Variants in ATP8B1 observed in about 807,000 individuals in gnomAD.
The protein encoded by ATP8B1 is ATPase phospholipid transporting 8B1.
Under a neutral mutation model 149.9 loss-of-function variants are expected in ATP8B1, and 80 were observed. The observed-to-expected ratio is 0.53, with a 90% CI of 0.45 to 0.64. The LOEUF is 0.64. Ranked by LOEUF, ATP8B1 falls within the 30% of genes least tolerant of loss-of-function variation. ATP8B1 has a pLI of 0.00. For missense variants in ATP8B1, 1,247 were observed against 1,552.6 expected (o/e 0.80, Z 3.31); for synonymous variants, 536 against 562.8 (o/e 0.95, Z 0.67).
intron 12 of ATP8B1, 115 bp from the exon 13 acceptor site, chr18:57,688,622 G>A: frequency 9.7e-7 from 1 of 1,028,358 alleles, no homozygotes; most frequent in Non-Finnish European, 1.5e-6. Context: ...GCTATGGTCT[G>A]AATGTTAGAA....
At chr18:57,726,887 C>T (rs1377582821) in intron 2 of ATP8B1, among the ~76,000 whole-genome samples, 1 of 152,142 alleles carries the variant, frequency 6.6e-6, no homozygotes, top group Non-Finnish European at 1.5e-5. Context: ...CAAGACAAGC[C>T]TGGCCAACAT....
intron 21 of ATP8B1, among the ~76,000 whole-genome samples, chr18:57,661,884 A>AT (rs1313289181): frequency 3.4e-4 from 52 of 150,854 alleles, no homozygotes; most frequent in South Asian, 1.5e-3. Context: ...CTGGCTAATT[A>AT]TTTTTTTTGT....
intron 6 of ATP8B1, among the ~76,000 whole-genome samples, chr18:57,699,460 G>T (rs1449853189): frequency 6.6e-6 from 1 of 152,098 alleles, no homozygotes; most frequent in Non-Finnish European, 1.5e-5. Context: ...GTCTCGGCCG[G>T]GCCCGGTGGC....
intron 1 of ATP8B1, among the ~76,000 whole-genome samples, chr18:57,791,408 T>A (rs931704515): frequency 6.8e-6 from 1 of 147,118 alleles, no homozygotes; most frequent in African/African-American, 2.6e-5. Flanking sequence ...TGGAGTGCAG[T>A]GGTACAATTT....
At chr18:57,702,141 G>A (rs556927560) in intron 4 of ATP8B1, among the ~76,000 whole-genome samples, 2 of 152,318 alleles carry the variant, frequency 1.3e-5, no homozygotes, top group South Asian at 2.1e-4. Context: ...ATTAGGGAGA[G>A]CATCTCTGAG....
intron 6 of ATP8B1, among the ~76,000 whole-genome samples, chr18:57,699,285 A>G (rs372998139): frequency 6.6e-6 from 1 of 152,240 alleles, no homozygotes; most frequent in Admixed American, 6.5e-5. Flanking sequence ...TAAGAAAATT[A>G]TGTTCCAAAG....
At chr18:57,687,015 T>A (rs933134642) in intron 13 of ATP8B1, among the ~76,000 whole-genome samples, 1 of 152,072 alleles carries the variant, frequency 6.6e-6, no homozygotes, top group Non-Finnish European at 1.5e-5. Flanking sequence ...TGCTAATTTT[T>A]AAAAATTTTT....
At chr18:57,665,902 C>T (rs143849253) in intron 20 of ATP8B1, among the ~76,000 whole-genome samples, 1 of 151,922 alleles carries the variant, frequency 6.6e-6, no homozygotes, top group Non-Finnish European at 1.5e-5. Context: ...GCTTATGTAC[C>T]TCTATTTGGG....
chr18:57,662,926 G>A (rs544189180), intron 20 of ATP8B1, among the ~76,000 whole-genome samples: 1 of 152,066 alleles, frequency 6.6e-6, no homozygotes, highest in South Asian at 2.1e-4. Context: ...GCTAATTTTT[G>A]TATTTTTTGT....
At chr18:57,780,941 T>C (rs1299708558) in intron 1 of ATP8B1, among the ~76,000 whole-genome samples, 1 of 152,166 alleles carries the variant, frequency 6.6e-6, no homozygotes, top group Non-Finnish European at 1.5e-5. Context: ...GAAGACAATT[T>C]CCTTGTCTCA....
Position 57,695,436 on chromosome 18 carries a change from T to C in ATP8B1, c.781+14A>G. 1.2e-6 allele frequency: 2 copies of C among 1,607,808 alleles called. No individual in the cohort carries two copies. The highest frequency in any genetic ancestry group is 1.7e-6 in the Non-Finnish European group (2 of 1,174,290). Reference sequence around the variant, plus strand: ...CTAAAATTTAAAGCAAAGTAAGACATGTTTGGTACAAACCATCAAATGTAG... The same window carrying C: ...CTAAAATTTAAAGCAAAGTAAGACACGTTTGGTACAAACCATCAAATGTAG... On this transcript the variant is annotated intron_variant, in intron 9 of 27. Transcript: ENST00000648908.
chr18:57,658,370 C>T (rs931454073), intron 22 of ATP8B1, among the ~76,000 whole-genome samples: 3 of 152,126 alleles, frequency 2.0e-5, no homozygotes, highest in Non-Finnish European at 4.4e-5. Flanking sequence ...CTCTCTCCTG[C>T]TTCACGTACA....
At chr18:57,800,635 C>G (rs1483401830) in intron 1 of ATP8B1, among the ~76,000 whole-genome samples, 1 of 152,198 alleles carries the variant, frequency 6.6e-6, no homozygotes, top group Non-Finnish European at 1.5e-5. Flanking sequence ...CATTCAAACA[C>G]TGACTATATA....
chr18:57,656,488 C>T lies in ATP8B1; in HGVS notation c.2708-1071G>A, dbSNP rs59297357. 4.5e-3 allele frequency among the ~76,000 whole-genome samples: 679 copies of T among 151,010 alleles called. 4 individuals carry two copies. Among genetic ancestry groups the T allele is most frequent in the African/African-American group, 0.016 (637 of 41,094 alleles). On this transcript the variant is annotated intron_variant, in intron 22 of 27. Transcript: ENST00000648908. Reference sequence around the variant, plus strand: ...GCAACCTCTGCCTCCTGGGTTCAAGCGATACTCTTGCCTCAGCCTCTCGAG... The same window carrying T: ...GCAACCTCTGCCTCCTGGGTTCAAGTGATACTCTTGCCTCAGCCTCTCGAG...
At chr18:57,761,095 TAA>T (rs549333901) in intron 1 of ATP8B1, among the ~76,000 whole-genome samples, 2,067 of 96,254 alleles carry the variant, frequency 0.021, 31 homozygotes, top group Middle Eastern at 0.078. Flanking sequence ...TAAAATAAAA[TAA>T]AAAATAAAAT....
chr18:57,743,878 G>C (rs1285027699), intron 1 of ATP8B1, among the ~76,000 whole-genome samples: 1 of 152,138 alleles, frequency 6.6e-6, no homozygotes, highest in Non-Finnish European at 1.5e-5. Context: ...GCCTGGGAGG[G>C]AGACTGTTCA....
rs1346064794 is a variant in ATP8B1, at chr18:57,731,671, C to T, written c.137G>A (p.Arg46Gln). The change falls in exon 2 of 28, where the codon CGA (arginine) becomes CAA (glutamine). Residue 46 changes from arginine (R) to glutamine (Q), a missense_variant. By Grantham distance (43) the Arg-to-Gln change is conservative (BLOSUM62 1). Transcript: ENST00000648908. The part of the protein sequence containing the change: ...QGSAVEPEQN[R>Q]VNREAEENRE... ...GTTCTCCTCTGCTTCCCTGTTGACT[C>T]GGTTTTGTTCTGGTTCAACAGCAGA... 24 of 1,614,102 alleles carry T rather than the reference C, an allele frequency of 1.5e-5. No individual in the cohort carries two copies. The highest frequency in any genetic ancestry group is 2.2e-5 in the South Asian group (2 of 91,072).
At position 57,761,652 on chromosome 18, in the gene ATP8B1, A is replaced by ATT. The variant is rs909177430; in HGVS notation, c.-25-29822_-25-29821dup. Among the ~76,000 whole-genome samples the ATT allele has an allele frequency of 2.8e-5, 4 of 141,724 alleles. No homozygotes were observed. The East Asian group carries it at 6.1e-4, about 22-fold the overall frequency. 93.0% of individuals were successfully genotyped at this position (141,724 alleles called of 152,430 possible). A position where few individuals can be genotyped will look rare whatever the true frequency, so the allele number is the denominator to read the frequency against. ...ATTCTATAGGTTTTTTTCTTTTCCTATTTTTTTTTTTAATGGACTAGGCCA... is the reference window on the plus strand; with the variant it reads ...ATTCTATAGGTTTTTTTCTTTTCCTATTTTTTTTTTTTTAATGGACTAGGCCA... On this transcript the variant is annotated intron_variant, in intron 1 of 27. Coordinates refer to ENST00000648908, the MANE Select transcript of ATP8B1 (RefSeq NM_001374385.1).
Position 57,662,673 on chromosome 18 carries a change from C to A in ATP8B1, c.2286-58G>T, listed in dbSNP as rs1453702902. On this transcript the variant is annotated intron_variant, in intron 20 of 27. Transcript: ENST00000648908. ...TAAGACCCTAAATAGGCCCTTGACT[C>A]TGAGATAACTTTGACTTAAAAAAAA... is the stretch of plus-strand genomic sequence containing the variant. The A allele has an allele frequency of 3.8e-6, 6 of 1,579,424 alleles. No homozygotes were observed. In the East Asian group the frequency reaches 9.0e-5, roughly 24 times the overall value.
Sources: gnomAD v4.1 joint callset for allele counts (sites outside exome capture counted in the v4.1 genomes callset) on GRCh38, gnomAD v4.1.1 for gene constraint, MANE v1.5 for transcripts, NCBI Gene and HGNC (gene_info 2026-07-23, HGNC 2026-07-21) for gene names.